Variants in AFAP1 observed in about 807,000 individuals in gnomAD.
AFAP1 encodes the protein actin filament associated protein 1.
Under a neutral mutation model 93.9 loss-of-function variants are expected in AFAP1, and 75 were observed. The ratio of observed to expected loss-of-function variants is 0.80; its 90% confidence interval spans 0.66 to 0.97. The LOEUF is 0.97. Ranked by LOEUF, AFAP1 falls within the 50% of genes least tolerant of loss-of-function variation. The pLI is 0.00. For missense variants in AFAP1, 1,201 were observed against 1,050.8 expected, an observed-to-expected ratio of 1.14 and a Z score of -1.98; for synonymous variants, 517 against 430.7, an observed-to-expected ratio of 1.20 and a Z score of -2.48.
intron 17 of AFAP1, among the ~76,000 whole-genome samples, chr4:7,764,392 T>TA (rs141866612): frequency 0.16 from 23,390 of 148,058 alleles, 1,779 homozygotes; most frequent in Admixed American, 0.19. Context: ...TCAAAAAATA[T>TA]AAAAAAAAAA....
chr4:7,907,329 CTG>C (rs559052417), intron 1 of AFAP1, among the ~76,000 whole-genome samples: 81 of 152,310 alleles, frequency 5.3e-4, no homozygotes, highest in African/African-American at 1.9e-3. Flanking sequence ...TGCAACGTCC[CTG>C]TAAATGTTGA....
intron 4 of AFAP1, 133 bp downstream of exon 4, chr4:7,855,333 T>A: frequency 1.5e-6 from 1 of 658,954 alleles, no homozygotes; most frequent in South Asian, 2.0e-5. Flanking sequence ...GACAATCTCT[T>A]TGGGTTCAAA....
rs1271349635 is a variant in AFAP1 at position 7,781,483 on chromosome 4, G to T, written c.1675C>A (p.Leu559Met). ...YSPADRKASR[L>M]SADKLSSNHY... Reference sequence around the variant, plus strand: ...TTAGAGGACAGCTTGTCAGCAGACAGCCTAGAGGCCTTTCTGTCAGCAGGA... The same window carrying T: ...TTAGAGGACAGCTTGTCAGCAGACATCCTAGAGGCCTTTCTGTCAGCAGGA... Residue 559 changes from leucine to methionine, a missense_variant, in exon 13 of 18, where the codon CTG (leucine) becomes ATG (methionine). Physicochemically the swap from Leu to Met is conservative, Grantham distance 15. Transcript: ENST00000420658. The T allele has an allele frequency of 1.3e-6, 2 of 1,552,224 alleles. No individual in the cohort carries two copies. The highest frequency in any genetic ancestry group is 3.9e-5 in the Admixed American group (2 of 51,012).
intron 16 of AFAP1, 141 bp downstream of exon 16, chr4:7,772,679 C>T (rs1408037214): frequency 1.4e-6 from 1 of 726,952 alleles, no homozygotes; most frequent in Non-Finnish European, 2.2e-6. Flanking sequence ...GATGCTAACA[C>T]ATGAACTGTC....
At chr4:7,768,010 A>T (rs576845545) in intron 17 of AFAP1, among the ~76,000 whole-genome samples, 1 of 152,368 alleles carries the variant, frequency 6.6e-6, no homozygotes, top group South Asian at 2.1e-4. Context: ...CAGGAGATCA[A>T]GGCTGTGGTG....
chr4:7,863,873 C>T (rs1716044063), intron 3 of AFAP1, among the ~76,000 whole-genome samples: 1 of 152,208 alleles, frequency 6.6e-6, no homozygotes, highest in Non-Finnish European at 1.5e-5. Context: ...TGCTTCAACG[C>T]ATGGGAAATA....
At chr4:7,809,056 TG>T (rs1719779924) in intron 9 of AFAP1, among the ~76,000 whole-genome samples, 1 of 76,838 alleles carries the variant, frequency 1.3e-5, no homozygotes, top group Non-Finnish European at 2.0e-5. Flanking sequence ...AGCTTAGTTT[TG>T]TTTTTGTTTT....
chr4:7,871,846 A>C, intron 2 of AFAP1, 106 bp downstream of exon 2: 2 of 1,424,178 alleles, frequency 1.4e-6, no homozygotes, highest in South Asian at 2.8e-5. Flanking sequence ...ATAAGCTTGT[A>C]AGTTAAAGAA....
At chr4:7,917,001 TTCTC>T (rs143784991) in intron 1 of AFAP1, among the ~76,000 whole-genome samples, 12 of 151,668 alleles carry the variant, frequency 7.9e-5, no homozygotes, top group East Asian at 3.9e-4. Context: ...TTTAAAAGTG[TTCTC>T]TCTCTCTCTC....
intron 1 of AFAP1, among the ~76,000 whole-genome samples, chr4:7,897,106 T>G (rs1718824137): frequency 6.6e-6 from 1 of 152,134 alleles, no homozygotes; most frequent in Non-Finnish European, 1.5e-5. Flanking sequence ...TATCTTCAGT[T>G]TGGCCCTCTA....
chr4:7,795,385 T>C (rs1354521579), intron 10 of AFAP1, among the ~76,000 whole-genome samples: 1 of 149,166 alleles, frequency 6.7e-6, no homozygotes, highest in Non-Finnish European at 1.5e-5. Flanking sequence ...ACAGGTCTTA[T>C]GTCCTTCCTA....
At chr4:7,841,678 A>C (rs1469081485) in intron 5 of AFAP1, among the ~76,000 whole-genome samples, 2 of 152,214 alleles carry the variant, frequency 1.3e-5, no homozygotes, top group African/African-American at 4.8e-5. Flanking sequence ...ATGATAGGTC[A>C]TTTTTGAAAG....
intron 12 of AFAP1, among the ~76,000 whole-genome samples, chr4:7,784,870 T>C (rs1339229829): frequency 1.3e-5 from 2 of 152,156 alleles, no homozygotes; most frequent in Non-Finnish European, 2.9e-5. Flanking sequence ...GAATTTACGA[T>C]GCCAGGGCTG....
At chr4:7,841,299 C>CCA (rs34482130) in intron 5 of AFAP1, among the ~76,000 whole-genome samples, 89,597 of 151,566 alleles carry the variant, frequency 0.59, 26,849 homozygotes, top group Admixed American at 0.68. Flanking sequence ...TCTATACCTC[C>CCA]CACACACACA....
At chr4:7,912,364 T>C (rs754314746) in intron 1 of AFAP1, among the ~76,000 whole-genome samples, 2 of 152,258 alleles carry the variant, frequency 1.3e-5, no homozygotes, top group African/African-American at 2.4e-5. Flanking sequence ...TTTAGTTTTT[T>C]AAGAAACTGT....
chr4:7,764,954 A>G (rs2148938049), intron 17 of AFAP1, among the ~76,000 whole-genome samples: 1 of 152,156 alleles, frequency 6.6e-6, no homozygotes, highest in African/African-American at 2.4e-5. Context: ...AAAAATACAA[A>G]AATTAGCTGG....
intron 6 of AFAP1, among the ~76,000 whole-genome samples, chr4:7,828,268 C>A (rs1215599248): frequency 6.6e-6 from 1 of 152,198 alleles, no homozygotes; most frequent in African/African-American, 2.4e-5. Flanking sequence ...CCCCGGCTGG[C>A]TATGTGAACT....
intron 9 of AFAP1, among the ~76,000 whole-genome samples, chr4:7,803,584 A>G (rs1186355902): frequency 6.6e-6 from 1 of 151,382 alleles, no homozygotes; most frequent in Non-Finnish European, 1.5e-5. Context: ...GAGGGCATGG[A>G]CTCTGCAGTG....
At chr4:7,924,076 G>A (rs995299323) in intron 1 of AFAP1, among the ~76,000 whole-genome samples, 1 of 152,304 alleles carries the variant, frequency 6.6e-6, no homozygotes, top group East Asian at 1.9e-4. Flanking sequence ...CAGAAGCAGA[G>A]ATAAATGAAA....
Sources: allele counts gnomAD v4.1 joint callset (sites outside exome capture counted in the v4.1 genomes callset), GRCh38; gene constraint gnomAD v4.1.1; transcripts MANE v1.5; gene names NCBI Gene and HGNC (gene_info 2026-07-23, HGNC 2026-07-21).